WDR7: variants seen among roughly 807,000 people sequenced by gnomAD.
WDR7 encodes WD repeat domain 7, also known as WD repeat-containing protein 7.
A neutral mutation model predicts 169.4 loss-of-function variants in WDR7; 46 were observed. The ratio of observed to expected loss-of-function variants is 0.27; its 90% confidence interval spans 0.21 to 0.35. The LOEUF (loss-of-function observed/expected upper bound fraction) is 0.35. WDR7 is among the 10% of genes least tolerant of loss of function. The pLI is 1.00. For synonymous variants in WDR7, 612 were observed against 666.8 expected, an observed-to-expected ratio of 0.92 and a Z score of 1.27; for missense variants, 1,534 against 1,859.3, an observed-to-expected ratio of 0.83 and a Z score of 3.22.
chr18:57,000,610 C>G (rs902689275), intron 26 of WDR7, among the ~76,000 whole-genome samples: 1 of 152,156 alleles, frequency 6.6e-6, no homozygotes, highest in Non-Finnish European at 1.5e-5. Flanking sequence ...ACTGATTACT[C>G]TCTACTCACA....
At chr18:56,813,076 T>C (rs1269902830) in intron 19 of WDR7, among the ~76,000 whole-genome samples, 1 of 150,906 alleles carries the variant, frequency 6.6e-6, no homozygotes, top group Non-Finnish European at 1.5e-5. Context: ...ATATACCTAA[T>C]GCTAGATGAC....
intron 20 of WDR7, among the ~76,000 whole-genome samples, chr18:56,826,412 A>T (rs182189411): frequency 6.6e-6 from 1 of 152,320 alleles, no homozygotes; most frequent in East Asian, 1.9e-4. Context: ...CTTCTTCCTG[A>T]TACTTCATAG....
chr18:56,916,654 GATTA>G (rs2046630829), intron 21 of WDR7, among the ~76,000 whole-genome samples: 2 of 152,166 alleles, frequency 1.3e-5, no homozygotes, highest in Admixed American at 1.3e-4. Context: ...AAAACTGCAT[GATTA>G]ATATCTCAGT....
chr18:56,975,172 G>A (rs2047548287), intron 26 of WDR7, among the ~76,000 whole-genome samples: 1 of 151,982 alleles, frequency 6.6e-6, no homozygotes, highest in Non-Finnish European at 1.5e-5. Context: ...GGAGGCAGAG[G>A]TTGTAGTGAG....
At chr18:56,831,992 C>T (rs1186624343) in intron 20 of WDR7, among the ~76,000 whole-genome samples, 2 of 152,102 alleles carry the variant, frequency 1.3e-5, no homozygotes, top group African/African-American at 4.8e-5. Flanking sequence ...CACATCAGAA[C>T]CGTTCACTCC....
At chr18:56,713,441 T>C (rs958513196) in intron 12 of WDR7, among the ~76,000 whole-genome samples, 1 of 152,220 alleles carries the variant, frequency 6.6e-6, no homozygotes, top group Non-Finnish European at 1.5e-5. Context: ...ATTACACATA[T>C]ACAATTTATA....
At chr18:56,681,275 AAG>A in intron 3 of WDR7, 36 bp from the exon 4 acceptor site, 1 of 1,369,280 alleles carries the variant, frequency 7.3e-7, no homozygotes, top group Non-Finnish European at 1.0e-6. Context: ...GTGCTTTAAA[AAG>A]TCACACTCAA....
At chr18:56,866,527 G>T (rs1292280785) in intron 20 of WDR7, among the ~76,000 whole-genome samples, 1 of 151,824 alleles carries the variant, frequency 6.6e-6, no homozygotes, top group Non-Finnish European at 1.5e-5. Context: ...TTTTTTCTAT[G>T]AGTAAATACT....
intron 26 of WDR7, among the ~76,000 whole-genome samples, chr18:57,005,427 T>A (rs2048041821): frequency 6.6e-6 from 1 of 152,264 alleles, no homozygotes; most frequent in East Asian, 1.9e-4. Context: ...AGTAAAATAT[T>A]TTTATGGAAA....
chr18:56,873,106 A>G (rs1401980266), intron 20 of WDR7, among the ~76,000 whole-genome samples: 2 of 151,732 alleles, frequency 1.3e-5, no homozygotes, highest in African/African-American at 2.4e-5. Context: ...TCCTTTAGGG[A>G]CTCCTTTCCT....
intron 26 of WDR7, among the ~76,000 whole-genome samples, chr18:57,003,220 CT>C (rs77513907): frequency 7.3e-6 from 1 of 136,434 alleles, no homozygotes; most frequent in Non-Finnish European, 1.7e-5. Context: ...GTGTTTTGTG[CT>C]TCTTCAGTGT....
At chr18:56,884,372 G>C (rs2046156605) in intron 21 of WDR7, among the ~76,000 whole-genome samples, 1 of 152,118 alleles carries the variant, frequency 6.6e-6, no homozygotes, top group African/African-American at 2.4e-5. Context: ...TTACTGATTT[G>C]TTTGAGTTCC....
intron 17 of WDR7, 26 bp from the exon 18 acceptor site, chr18:56,779,405 T>C: frequency 6.4e-7 from 1 of 1,560,142 alleles, no homozygotes; most frequent in South Asian, 1.2e-5. Context: ...GGTTAAAGAA[T>C]TTGTAATATA....
At chr18:56,966,372 ATCC>A (rs2047409642) in intron 26 of WDR7, among the ~76,000 whole-genome samples, 1 of 151,826 alleles carries the variant, frequency 6.6e-6, no homozygotes, top group Non-Finnish European at 1.5e-5. Context: ...CCTCTTCTTC[ATCC>A]TCCTCCTCTG....
chr18:56,694,876 C>T, intron 10 of WDR7, 74 bp from the exon 11 acceptor site: 1 of 1,546,892 alleles, frequency 6.5e-7, no homozygotes, highest in Admixed American at 2.0e-5. Flanking sequence ...GATCAATCAA[C>T]ATTATTTTAA....
At chr18:56,749,386 TTGTGTG>T (rs71863855) in intron 14 of WDR7, among the ~76,000 whole-genome samples, 2,198 of 148,620 alleles carry the variant, frequency 0.015, 38 homozygotes, top group African/African-American at 0.045. Context: ...GTGTGTGTGT[TTGTGTG>T]TGTGTGTGTG....
intron 20 of WDR7, 34 bp downstream of exon 20, chr18:56,816,178 C>T: frequency 6.4e-7 from 1 of 1,562,968 alleles, no homozygotes; most frequent in Non-Finnish European, 8.7e-7. Context: ...CTGATTGGAG[C>T]TTTGTTTGAT....
intron 26 of WDR7, among the ~76,000 whole-genome samples, chr18:57,007,874 T>C (rs2048086915): frequency 6.6e-6 from 1 of 152,192 alleles, no homozygotes; most frequent in Non-Finnish European, 1.5e-5. Context: ...CCATTTACAT[T>C]GGATTTTTTA....
At chr18:56,754,422 AATAT>A (rs970964348) in intron 14 of WDR7, among the ~76,000 whole-genome samples, 15 of 150,740 alleles carry the variant, frequency 1.0e-4, no homozygotes, top group Non-Finnish European at 1.5e-4. Context: ...TACACACACA[AATAT>A]ATATAAGCAG....
Sources: allele counts gnomAD v4.1 joint callset (sites outside exome capture counted in the v4.1 genomes callset), GRCh38; gene constraint gnomAD v4.1.1; transcripts MANE v1.5; gene names NCBI Gene and HGNC (gene_info 2026-07-23, HGNC 2026-07-21).